PCDHGA5: variants seen among roughly 807,000 people sequenced by gnomAD.
PCDHGA5 encodes protocadherin gamma subfamily A, 5, also known as protocadherin gamma-A5.
PCDHGA5 carries 36 observed loss-of-function variants against 56.7 expected under a neutral mutation model. That is an observed-to-expected ratio of 0.64 (90% confidence interval 0.49 to 0.84). The LOEUF is 0.84. Among genes scored for constraint, PCDHGA5 ranks in the 40% least tolerant of loss-of-function variants. PCDHGA5 has a pLI of 0.00. For synonymous variants in PCDHGA5, 563 were observed against 520.2 expected, an observed-to-expected ratio of 1.08 and a Z score of -1.12; for missense variants, 1,305 against 1,201.5, an observed-to-expected ratio of 1.09 and a Z score of -1.27.
At chr5:141,443,790 T>A (rs1178101439) in intron 1 of PCDHGA5, among the ~76,000 whole-genome samples, 2 of 151,832 alleles carry the variant, frequency 1.3e-5, no homozygotes, top group Admixed American at 6.6e-5. Flanking sequence ...ACAAAAAAAA[T>A]GAAAAGGAAA....
intron 1 of PCDHGA5, chr5:141,372,840 A>G (rs373804282): frequency 2.6e-6 from 4 of 1,521,774 alleles, no homozygotes; most frequent in Non-Finnish European, 3.5e-6. Context: ...CCTTCCATAA[A>G]TATAATTGGG....
intron 2 of PCDHGA5, among the ~76,000 whole-genome samples, chr5:141,501,290 TACACACACACACACACACACAC>T (rs55762287): frequency 1.4e-4 from 19 of 136,248 alleles, no homozygotes; most frequent in Admixed American, 1.1e-3. Context: ...TATTCCCTTA[TACACACACACACACACACACAC>T]ACACACACAC....
At chr5:141,482,761 ATT>A (rs2099571906) in intron 1 of PCDHGA5, among the ~76,000 whole-genome samples, 1 of 127,370 alleles carries the variant, frequency 7.9e-6, no homozygotes, top group Admixed American at 7.7e-5. Flanking sequence ...ATGGTATTTC[ATT>A]ATCACTGAAC....
Position 141,432,923 on chromosome 5 carries a change from T to C in PCDHGA5, c.2422-61884T>C. ...GCTCAGGCTGCGGCGCTGGCACAAG[T>C]CACGCCTGCTGCAGGCTTCAGGAGG... On this transcript the variant is annotated intron_variant, in intron 1 of 3. Coordinates refer to ENST00000518069, the MANE Select transcript of PCDHGA5 (RefSeq NM_018918.3). This position sits in a 1 kb window ranked among gnomAD's most constrained non-coding sequence, Gnocchi z 6.0. The C allele has an allele frequency of 6.2e-7, 1 of 1,614,186 alleles. No homozygotes were observed. Among genetic ancestry groups the C allele is most frequent in the Non-Finnish European group, 8.5e-7 (1 of 1,180,034 alleles).
intron 1 of PCDHGA5, among the ~76,000 whole-genome samples, chr5:141,438,633 T>C (rs1222106413): frequency 2.9e-5 from 1 of 34,046 alleles, no homozygotes; most frequent in Non-Finnish European, 5.1e-5. Context: ...TATATATATA[T>C]ATACACACAC....
chr5:141,436,743 C>A (rs991678215), intron 1 of PCDHGA5, among the ~76,000 whole-genome samples: 3 of 152,158 alleles, frequency 2.0e-5, no homozygotes, highest in Non-Finnish European at 4.4e-5. Flanking sequence ...TTTTTGTGTG[C>A]TTCTCCATAT....
chr5:141,440,464 G>A (rs2003094), intron 1 of PCDHGA5: 3,293 of 152,144 alleles, frequency 0.022, 52 homozygotes, highest in South Asian at 0.038. Context: ...ATGAACAAAC[G>A]GTAGTTGAAA....
Position 141,505,475 on chromosome 5 carries a change from G to A in PCDHGA5, c.2563G>A (p.Ala855Thr), listed in dbSNP as rs769108315. The A allele has an allele frequency of 2.2e-5, 35 of 1,614,098 alleles. No homozygotes were observed. Among genetic ancestry groups the A allele is most frequent in the South Asian group, 5.5e-5 (5 of 91,090 alleles). ...GCTGCAAGCCATGATCTTGGCGTCC[G>A]CCAGTGGTAAGTGGTGTCAGTGTGT... ...EMLQAMILAS[A>T]SEAADGSSTL... The change falls in exon 3 of 4, where the codon GCC becomes ACC. Residue 855 changes from alanine to threonine, a missense_variant. Physicochemically the swap from Ala to Thr is moderately conservative, Grantham distance 58. Transcript: ENST00000518069.
intron 1 of PCDHGA5, chr5:141,415,653 G>C (rs947379829): frequency 1.4e-5 from 22 of 1,539,304 alleles, no homozygotes; most frequent in Non-Finnish European, 1.9e-5. Context: ...AAAAAAAAAA[G>C]ATTGGTTTTT....
Position 141,364,421 on chromosome 5 carries a change from A to T in PCDHGA5, c.91A>T (p.Ile31Phe), listed in dbSNP as rs1290592441. 1.2e-6 allele frequency: 2 copies of T among 1,613,602 alleles called. No individual in the cohort carries two copies. The highest frequency in any genetic ancestry group is 3.3e-5 in the Admixed American group (2 of 59,992). The change falls in exon 1 of 4, where the codon ATC (isoleucine) becomes TTC (phenylalanine). Residue 31 changes from isoleucine (I) to phenylalanine (F), a missense_variant. Ile to Phe is a conservative substitution (Grantham distance 21). Coordinates refer to ENST00000518069, the MANE Select transcript of PCDHGA5 (RefSeq NM_018918.3). ...GCTGTGCGAGCCAGGATCCGGGCAG[A>T]TCCGCTACTCGATGCCGGAGGAGCT... Reference protein sequence around the residue: ...GTLCEPGSGQIRYSMPEELDK... With the variant: ...GTLCEPGSGQFRYSMPEELDK...
chr5:141,473,053 TACA>T (rs1452453123), intron 1 of PCDHGA5, among the ~76,000 whole-genome samples: 1 of 150,200 alleles, frequency 6.7e-6, no homozygotes, highest in Non-Finnish European at 1.5e-5. Flanking sequence ...AAAGAAGTGA[TACA>T]ACAAGTTACA....
rs1052219950 is a variant in PCDHGA5, at chr5:141,476,865, G to A, written c.2422-17942G>A. The A allele has an allele frequency of 1.2e-6, 2 of 1,613,752 alleles. No individual in the cohort carries two copies. Among genetic ancestry groups the A allele is most frequent in the African/African-American group, 1.3e-5 (1 of 74,958 alleles). On this transcript the variant is annotated intron_variant, in intron 1 of 3. Coordinates refer to ENST00000518069, the MANE Select transcript of PCDHGA5 (RefSeq NM_018918.3). This position sits in a 1 kb window ranked among gnomAD's most constrained non-coding sequence, Gnocchi z 7.6. ...CCTGTCTTCAACCAGTCCTTGTACC[G>A]GGCGCGCGTCCTGGAGGATGCACCC...
intron 1 of PCDHGA5, chr5:141,408,100 G>A (rs1474827605): frequency 9.7e-6 from 14 of 1,438,178 alleles, no homozygotes; most frequent in African/African-American, 1.4e-5. Context: ...CCAGCTCCGA[G>A]ACCCGGGACT....
In PCDHGA5 at chr5:141,485,099, G is replaced by T; in HGVS notation, c.2422-9708G>T. The T allele has an allele frequency of 8.7e-7, 1 of 1,145,218 alleles. No individual in the cohort carries two copies. Among genetic ancestry groups the T allele is most frequent in the Non-Finnish European group, 1.3e-6 (1 of 775,682 alleles). 70.9% of individuals were successfully genotyped at this position (1,145,218 alleles called of 1,614,324 possible). A position where few individuals can be genotyped will look rare whatever the true frequency, so the allele number is the denominator to read the frequency against. ...GGGGAAAGGGAGATAGGTGTCTCCA[G>T]CTGCTGTGGCTGTTTGGGGCGGGTC... On this transcript the variant is annotated intron_variant, in intron 1 of 3. Transcript: ENST00000518069. The surrounding 1 kb of genome is among the most constrained non-coding windows in gnomAD (Gnocchi z 5.7).
In PCDHGA5 at chr5:141,511,188, C is replaced by A; in HGVS notation, c.*15C>A. 1 of 1,613,804 alleles carries A rather than the reference C, an allele frequency of 6.2e-7. No homozygotes were observed. ...AGAAGAAGTAACATGGAGGCCAGGC[C>A]AAGAGCCACAGGGCGGCCTCTCCCC... On this transcript the variant is annotated 3_prime_UTR_variant, in exon 4 of 4. Transcript: ENST00000518069.
At chr5:141,462,280 C>T (rs927977920) in intron 1 of PCDHGA5, among the ~76,000 whole-genome samples, 15 of 152,146 alleles carry the variant, frequency 9.9e-5, no homozygotes, top group African/African-American at 3.4e-4. Context: ...TGTTTAGTCA[C>T]CAAATATGTA....
intron 1 of PCDHGA5, chr5:141,392,699 T>C: frequency 2.4e-6 from 3 of 1,248,768 alleles, no homozygotes; most frequent in South Asian, 3.3e-5. Context: ...CGACCCCTGT[T>C]TGGAGGCACT....
intron 1 of PCDHGA5, chr5:141,384,884 T>C (rs759644846): frequency 6.2e-7 from 1 of 1,613,846 alleles, no homozygotes; most frequent in East Asian, 2.2e-5. Context: ...ACACTCACCG[T>C]GGCTGTGGCT....
chr5:141,390,665 TA>T, intron 1 of PCDHGA5: 1 of 192,900 alleles, frequency 5.2e-6, no homozygotes, highest in Non-Finnish European at 1.1e-5. Flanking sequence ...ACCATAAATA[TA>T]AAAATAATAA....
Sources: allele counts gnomAD v4.1 joint callset (sites outside exome capture counted in the v4.1 genomes callset), GRCh38; gene constraint gnomAD v4.1.1; non-coding constraint Gnocchi (gnomAD v3.1); transcripts MANE v1.5; gene names NCBI Gene and HGNC (gene_info 2026-07-23, HGNC 2026-07-21).